Variants in LYST observed in about 807,000 individuals in gnomAD.
LYST encodes lysosomal-trafficking regulator.
Under a neutral mutation model 413.6 loss-of-function variants are expected in LYST, and 192 were observed. That is an observed-to-expected ratio of 0.46 (90% CI 0.41 to 0.52). The LOEUF (loss-of-function observed/expected upper bound fraction) is 0.52, where lower values mean the gene tolerates loss of function less well. Among genes scored for constraint, LYST ranks in the 20% least tolerant of loss-of-function variants. The pLI, the probability that LYST is intolerant of heterozygous loss-of-function variation, is 0.00. For synonymous variants in LYST, 1,525 were observed against 1,567.3 expected, an observed-to-expected ratio of 0.97 and a Z score of 0.64; for missense variants, 3,815 against 4,499.9, an observed-to-expected ratio of 0.85 and a Z score of 4.35.
chr1:235,748,314 C>T (rs9803796), intron 28 of LYST, among the ~76,000 whole-genome samples: 5,654 of 152,052 alleles, frequency 0.037, 351 homozygotes, highest in African/African-American at 0.13. Flanking sequence ...GTTTTTCATA[C>T]TAATAAGCAG....
chr1:235,868,771 C>A (rs575244972), upstream of LYST, among the ~76,000 whole-genome samples: 11 of 152,204 alleles, frequency 7.2e-5, no homozygotes, highest in Non-Finnish European at 1.6e-4. Context: ...TCTCGGCTCA[C>A]TGCAACCTCC....
At chr1:235,699,906 T>C (rs1256491099) in intron 45 of LYST, among the ~76,000 whole-genome samples, 1 of 152,124 alleles carries the variant, frequency 6.6e-6, no homozygotes, top group African/African-American at 2.4e-5. Flanking sequence ...ACCAATGGAA[T>C]AGAACAGAGA....
At chr1:235,870,718 C>T (rs570540957), upstream of LYST, among the ~76,000 whole-genome samples, 3 of 152,302 alleles carry the variant, frequency 2.0e-5, no homozygotes, top group African/African-American at 4.8e-5. Context: ...ATGGGCTCCA[C>T]AAGGGCCACA....
chr1:235,771,768 G>C lies in LYST; in HGVS notation c.5785-1471C>G, dbSNP rs186126160. ...CTTTCAAAATACTTTTCTCTGTTTT[G>C]TGGCTGCATACTCTTGAATTGCCTC... On this transcript the variant is annotated intron_variant, in intron 19 of 52. Transcript: ENST00000389793. 3.2e-3 allele frequency among the ~76,000 whole-genome samples: 488 copies of C among 152,016 alleles called. 8 individuals are homozygous for C. The highest frequency in any genetic ancestry group is 0.03 in the Admixed American group (452 of 15,272).
At chr1:235,811,554 A>G (rs867042964) in intron 4 of LYST, among the ~76,000 whole-genome samples, 22 of 152,282 alleles carry the variant, frequency 1.4e-4, no homozygotes, top group South Asian at 4.1e-4. Flanking sequence ...TATGGTCAAC[A>G]CTCAGTAAAT....
intron 30 of LYST, among the ~76,000 whole-genome samples, chr1:235,742,052 A>G (rs1665449371): frequency 6.6e-6 from 1 of 152,218 alleles, no homozygotes; most frequent in Non-Finnish European, 1.5e-5. Context: ...TGAGATATCT[A>G]GAACAGTCAA....
intron 47 of LYST, among the ~76,000 whole-genome samples, chr1:235,687,785 T>G (rs923660996): frequency 6.6e-6 from 1 of 152,182 alleles, no homozygotes; most frequent in Non-Finnish European, 1.5e-5. Flanking sequence ...TCCTCTCCTC[T>G]GCACCTCAAC....
chr1:235,752,281 G>C, intron 26 of LYST, 110 bp from the exon 27 acceptor site: 1 of 760,326 alleles, frequency 1.3e-6, no homozygotes, highest in Non-Finnish European at 2.2e-6. Flanking sequence ...CGACCAGCTT[G>C]CACTCATTCA....
chr1:235,860,692 T>C (rs1334030240), intron 1 of LYST, among the ~76,000 whole-genome samples: 3 of 152,222 alleles, frequency 2.0e-5, no homozygotes, highest in Non-Finnish European at 2.9e-5. Flanking sequence ...TTTACAGGTA[T>C]AACTGACATG....
chr1:235,697,023 G>T, intron 46 of LYST, 60 bp downstream of exon 46: 1 of 1,524,626 alleles, frequency 6.6e-7, no homozygotes, highest in Non-Finnish European at 9.1e-7. Flanking sequence ...AGATGAGCTA[G>T]AAATACTCAA....
intron 10 of LYST, among the ~76,000 whole-genome samples, chr1:235,799,392 A>G (rs551442255): frequency 6.6e-6 from 1 of 152,322 alleles, no homozygotes; most frequent in Middle Eastern, 3.4e-3. Context: ...TAACTTTACA[A>G]TAGAGAAACT....
At chr1:235,816,912 G>GAA (rs1397073496) in intron 3 of LYST, among the ~76,000 whole-genome samples, 1 of 152,140 alleles carries the variant, frequency 6.6e-6, no homozygotes, top group African/African-American at 2.4e-5. Context: ...CACAGCAAAG[G>GAA]AAACTATCAA....
chr1:235,736,133 C>G (rs1191725127), intron 31 of LYST: 1 of 151,828 alleles, frequency 6.6e-6, no homozygotes, highest in African/African-American at 2.4e-5. Flanking sequence ...ATTTTAATAC[C>G]CTCTGATCAC....
At chr1:235,771,226 T>C (rs770104760) in intron 19 of LYST, among the ~76,000 whole-genome samples, 7 of 152,074 alleles carry the variant, frequency 4.6e-5, no homozygotes, top group African/African-American at 7.2e-5. Context: ...TGAAAAGTAG[T>C]ACCAAGATAA....
chr1:235,697,344 T>C, intron 45 of LYST, 72 bp from the exon 46 acceptor site: 1 of 1,134,992 alleles, frequency 8.8e-7, no homozygotes, highest in Non-Finnish European at 1.3e-6. Flanking sequence ...TAATTTAAGC[T>C]CTAAACAAAG....
intron 38 of LYST, among the ~76,000 whole-genome samples, chr1:235,725,637 C>T (rs923608054): frequency 2.0e-5 from 3 of 152,046 alleles, no homozygotes; most frequent in Admixed American, 2.0e-4. Flanking sequence ...CTCATGCTTC[C>T]GAGTCATTCA....
intron 1 of LYST, among the ~76,000 whole-genome samples, chr1:235,863,093 A>T (rs1457331942): frequency 6.6e-6 from 1 of 151,944 alleles, no homozygotes; most frequent in Non-Finnish European, 1.5e-5. Context: ...TTTAGGGCTT[A>T]AAAAAAATCT....
intron 20 of LYST, among the ~76,000 whole-genome samples, 163 bp from the exon 21 acceptor site, chr1:235,766,440 T>A (rs1057078155): frequency 6.6e-6 from 1 of 152,158 alleles, no homozygotes; most frequent in African/African-American, 2.4e-5. Context: ...ATTGAGTTAT[T>A]TCCTAATTCA....
intron 1 of LYST, among the ~76,000 whole-genome samples, chr1:235,863,394 C>T (rs901873102): frequency 1.3e-5 from 2 of 150,184 alleles, no homozygotes; most frequent in Admixed American, 6.7e-5. Flanking sequence ...TCTGTCTCCA[C>T]GGAAATCTTT....
Sources: allele counts gnomAD v4.1 joint callset (sites outside exome capture counted in the v4.1 genomes callset), GRCh38; gene constraint gnomAD v4.1.1; transcripts MANE v1.5; gene names NCBI Gene and HGNC (gene_info 2026-07-23, HGNC 2026-07-21).